RBMS3: variants seen among roughly 807,000 people sequenced by gnomAD.
RBMS3 encodes the protein RNA binding motif single stranded interacting protein 3.
A neutral mutation model predicts 66.8 loss-of-function variants in RBMS3; 27 were observed. The ratio of observed to expected loss-of-function variants is 0.40; its 90% CI spans 0.30 to 0.56. The LOEUF is 0.56. Ranked by LOEUF, RBMS3 falls within the 20% of genes least tolerant of loss-of-function variation. RBMS3 has a pLI of 0.40. For synonymous variants in RBMS3, 188 were observed against 183.0 expected, an observed-to-expected ratio of 1.03 and a Z score of -0.22; for missense variants, 513 against 549.5, an observed-to-expected ratio of 0.93 and a Z score of 0.66.
intron 11 of RBMS3, among the ~76,000 whole-genome samples, chr3:29,937,905 C>A (rs2061307092): frequency 6.6e-6 from 1 of 151,816 alleles, no homozygotes; most frequent in Admixed American, 6.6e-5. Flanking sequence ...TCCATATCAG[C>A]CTTCGTGTCC....
chr3:29,456,614 G>A (rs972571968), intron 2 of RBMS3, among the ~76,000 whole-genome samples: 1 of 152,138 alleles, frequency 6.6e-6, no homozygotes, highest in East Asian at 1.9e-4. Flanking sequence ...GCCTAGGAAA[G>A]TAAAGACCAT....
At chr3:29,664,381 G>A (rs1455076343) in intron 4 of RBMS3, among the ~76,000 whole-genome samples, 1 of 151,950 alleles carries the variant, frequency 6.6e-6, no homozygotes, top group Non-Finnish European at 1.5e-5. Context: ...CCAGCTACTC[G>A]GGAGGCTGAG....
chr3:29,294,946 A>G (rs1315420982), intron 1 of RBMS3, among the ~76,000 whole-genome samples: 1 of 151,740 alleles, frequency 6.6e-6, no homozygotes, highest in African/African-American at 2.4e-5. Flanking sequence ...GACTTCAAGT[A>G]TCAGGTAAAA....
intron 4 of RBMS3, among the ~76,000 whole-genome samples, chr3:29,592,512 G>C (rs1157381373): frequency 6.6e-6 from 1 of 152,114 alleles, no homozygotes; most frequent in Non-Finnish European, 1.5e-5. Context: ...GAAACAACAG[G>C]TGCTGGAGAG....
chr3:29,741,371 T>C (rs2054636960), intron 5 of RBMS3, among the ~76,000 whole-genome samples: 1 of 152,208 alleles, frequency 6.6e-6, no homozygotes, highest in Admixed American at 6.5e-5. Context: ...TGACACTACT[T>C]GGATCTCTGA....
intron 12 of RBMS3, among the ~76,000 whole-genome samples, chr3:29,986,709 G>A (rs1698413678): frequency 6.6e-6 from 1 of 152,180 alleles, no homozygotes; most frequent in Admixed American, 6.5e-5. Flanking sequence ...CTGGGAGGCT[G>A]AGGCAGGTGG....
intron 4 of RBMS3, among the ~76,000 whole-genome samples, chr3:29,739,456 AAG>A (rs1491568293): frequency 4.3e-5 from 2 of 46,808 alleles, no homozygotes; most frequent in Non-Finnish European, 9.5e-5. Flanking sequence ...ACTCCGTCTC[AAG>A]AAAAAAAAAA....
chr3:29,954,728 C>G (rs1312194935), intron 12 of RBMS3, among the ~76,000 whole-genome samples: 2 of 151,906 alleles, frequency 1.3e-5, no homozygotes, highest in Non-Finnish European at 2.9e-5. Context: ...TCTGCTATAC[C>G]CATTCCATTC....
At chr3:29,656,391 C>T (rs1167183513) in intron 4 of RBMS3, among the ~76,000 whole-genome samples, 6 of 152,144 alleles carry the variant, frequency 3.9e-5, no homozygotes, top group Non-Finnish European at 2.9e-5. Context: ...AGTACAGTAA[C>T]ATGCTATACA....
intron 6 of RBMS3, among the ~76,000 whole-genome samples, chr3:29,805,867 C>G (rs2057530017): frequency 6.6e-6 from 1 of 151,948 alleles, no homozygotes; most frequent in African/African-American, 2.4e-5. Context: ...CCTAAGTATA[C>G]AGTAGTATAC....
At chr3:29,990,403 TATATTCCTG>T (rs1698762595) in intron 13 of RBMS3, among the ~76,000 whole-genome samples, 1 of 135,844 alleles carries the variant, frequency 7.4e-6, no homozygotes, top group African/African-American at 2.7e-5. Context: ...ATTCCAAAAA[TATATTCCTG>T]ATTGTGACCA....
intron 1 of RBMS3, among the ~76,000 whole-genome samples, chr3:29,413,214 C>CA (rs2040342097): frequency 6.6e-6 from 1 of 152,126 alleles, no homozygotes; most frequent in African/African-American, 2.4e-5. Context: ...ATTAAAAATA[C>CA]AAAAAATTAG....
chr3:29,635,050 T>C (rs1437773967), intron 4 of RBMS3, among the ~76,000 whole-genome samples: 1 of 151,968 alleles, frequency 6.6e-6, no homozygotes, highest in Non-Finnish European at 1.5e-5. Context: ...CAAGTTTTAC[T>C]AATCTTCTAT....
intron 10 of RBMS3, among the ~76,000 whole-genome samples, chr3:29,915,225 C>T (rs886842279): frequency 1.3e-5 from 2 of 151,608 alleles, no homozygotes; most frequent in Admixed American, 6.6e-5. Context: ...GCTGGATAAT[C>T]CCATCTTTGG....
intron 4 of RBMS3, among the ~76,000 whole-genome samples, chr3:29,728,788 C>T (rs1029668013): frequency 6.7e-6 from 1 of 149,794 alleles, no homozygotes; most frequent in Non-Finnish European, 1.5e-5. Context: ...TAATGTATAG[C>T]AGAATTTTTT....
At chr3:29,326,181 A>G (rs1184959900) in intron 1 of RBMS3, among the ~76,000 whole-genome samples, 1 of 152,022 alleles carries the variant, frequency 6.6e-6, no homozygotes, top group Admixed American at 6.6e-5. Context: ...GTTTCTTTTT[A>G]CTAAGTGCAT....
intron 1 of RBMS3, among the ~76,000 whole-genome samples, chr3:29,392,243 C>T (rs2039334657): frequency 6.6e-6 from 1 of 151,962 alleles, no homozygotes; most frequent in Non-Finnish European, 1.5e-5. Flanking sequence ...GAGGGAGTCC[C>T]TGTCTAAAAA....
intron 4 of RBMS3, among the ~76,000 whole-genome samples, chr3:29,654,010 T>A (rs1177651253): frequency 6.6e-6 from 1 of 152,218 alleles, no homozygotes; most frequent in Non-Finnish European, 1.5e-5. Context: ...AAGGATCTGA[T>A]GAATTATGTC....
At chr3:29,860,691 T>C (rs2059190972) in intron 6 of RBMS3, among the ~76,000 whole-genome samples, 1 of 152,222 alleles carries the variant, frequency 6.6e-6, no homozygotes, top group South Asian at 2.1e-4. Flanking sequence ...TATTAGTTGG[T>C]ATTGAATACA....
Sources: gnomAD v4.1 joint callset for allele counts (sites outside exome capture counted in the v4.1 genomes callset) on GRCh38, gnomAD v4.1.1 for gene constraint, MANE v1.5 for transcripts, NCBI Gene and HGNC (gene_info 2026-07-23, HGNC 2026-07-21) for gene names.